Variants in TRPM3 observed in about 807,000 individuals in gnomAD.
TRPM3 encodes the protein transient receptor potential cation channel subfamily M member 3, also known as long transient receptor potential channel 3.
In TRPM3, 77 loss-of-function variants were observed where a neutral mutation model predicts 181.2. The ratio of observed to expected loss-of-function variants is 0.42; its 90% CI spans 0.35 to 0.51. The LOEUF (loss-of-function observed/expected upper bound fraction) is 0.51. Among genes scored for constraint, TRPM3 ranks in the 20% least tolerant of loss-of-function variants. The pLI is 0.01. For missense variants in TRPM3, 1,759 were observed against 2,196.7 expected, an observed-to-expected ratio of 0.80 and a Z score of 3.98; for synonymous variants, 745 against 796.4, an observed-to-expected ratio of 0.94 and a Z score of 1.09.
intron 1 of TRPM3, among the ~76,000 whole-genome samples, chr9:71,144,544 TTTTCCCTCATATGGGTCAATTACA>T (rs1346816536): frequency 6.6e-6 from 1 of 152,190 alleles, no homozygotes; most frequent in Admixed American, 6.5e-5. Context: ...AGGTTTTATT[TTTTCCCTCATATGGGTCAATTACA>T]TTTCCCTCAT....
chr9:71,152,105 T>C (rs180756756), intron 1 of TRPM3, among the ~76,000 whole-genome samples: 2 of 152,234 alleles, frequency 1.3e-5, no homozygotes, highest in Admixed American at 1.3e-4. Flanking sequence ...TAACCAGAAG[T>C]GCACGTCCTT....
At chr9:71,005,311 A>T (rs965740726) in intron 1 of TRPM3, among the ~76,000 whole-genome samples, 6 of 151,968 alleles carry the variant, frequency 3.9e-5, no homozygotes, top group African/African-American at 1.4e-4. Flanking sequence ...GAGGCTGAGG[A>T]AGGAGAATCA....
At chr9:71,008,824 G>A (rs1272911220) in intron 1 of TRPM3, among the ~76,000 whole-genome samples, 7 of 152,202 alleles carry the variant, frequency 4.6e-5, no homozygotes, top group Non-Finnish European at 7.3e-5. Context: ...CCGCCTAGGC[G>A]ACAGAGTGAG....
At chr9:71,007,610 C>G (rs1192670806) in intron 1 of TRPM3, among the ~76,000 whole-genome samples, 1 of 152,014 alleles carries the variant, frequency 6.6e-6, no homozygotes, top group Non-Finnish European at 1.5e-5. Context: ...ACAACATGCT[C>G]TTGAACAATG....
chr9:71,361,483 T>C (rs142259351), intron 1 of TRPM3, among the ~76,000 whole-genome samples: 27 of 152,324 alleles, frequency 1.8e-4, no homozygotes, highest in South Asian at 2.1e-4. Flanking sequence ...GTTCATGCTT[T>C]GTCCCTGTGC....
intron 1 of TRPM3, among the ~76,000 whole-genome samples, chr9:71,194,136 C>G: frequency 6.6e-6 from 1 of 151,860 alleles, no homozygotes; most frequent in East Asian, 1.9e-4. Flanking sequence ...CCATTCCCAC[C>G]CTTTTCTACT....
At chr9:71,214,862 G>T (rs1353222797) in intron 1 of TRPM3, among the ~76,000 whole-genome samples, 1 of 151,884 alleles carries the variant, frequency 6.6e-6, no homozygotes, top group African/African-American at 2.4e-5. Context: ...ATCTTTCAAG[G>T]TCAAATGAAA....
intron 1 of TRPM3, among the ~76,000 whole-genome samples, chr9:71,134,367 C>A (rs2074622103): frequency 6.6e-6 from 1 of 152,002 alleles, no homozygotes; most frequent in South Asian, 2.1e-4. Context: ...TCCTGGCCAA[C>A]ATGGTGAAAC....
chr9:70,888,080 T>C (rs1436793106), intron 1 of TRPM3, among the ~76,000 whole-genome samples: 2 of 152,158 alleles, frequency 1.3e-5, no homozygotes, highest in African/African-American at 2.4e-5. Context: ...CAGATTGCCA[T>C]TTGAACCATT....
chr9:70,793,803 C>A, intron 6 of TRPM3: 5 of 352,432 alleles, frequency 1.4e-5, no homozygotes, highest in South Asian at 1.1e-4. Flanking sequence ...AGAAATCATA[C>A]TTCTAGTACT....
intron 1 of TRPM3, among the ~76,000 whole-genome samples, chr9:71,302,837 T>C (rs1212271107): frequency 6.6e-6 from 1 of 150,554 alleles, no homozygotes; most frequent in Non-Finnish European, 1.5e-5. Flanking sequence ...AGGGAGGCTT[T>C]GTAAGTTATA....
At chr9:71,426,285 C>G (rs1217783667) in intron 1 of TRPM3, among the ~76,000 whole-genome samples, 1 of 39,806 alleles carries the variant, frequency 2.5e-5, no homozygotes, top group South Asian at 7.4e-4. Context: ...GCCCCAGCAA[C>G]TCTTTTTTTT....
chr9:71,207,002 T>G (rs2079165043), intron 1 of TRPM3, among the ~76,000 whole-genome samples: 1 of 152,034 alleles, frequency 6.6e-6, no homozygotes, highest in Admixed American at 6.6e-5. Context: ...AGTAGTTGAG[T>G]TGGGTACAGA....
intron 1 of TRPM3, among the ~76,000 whole-genome samples, chr9:71,292,205 G>A (rs1367454467): frequency 6.6e-6 from 1 of 152,066 alleles, no homozygotes; most frequent in East Asian, 1.9e-4. Context: ...ACCGCACTTA[G>A]AAGAAAGGTA....
chr9:70,578,892 ATTCCT>A, intron 22 of TRPM3, among the ~76,000 whole-genome samples: 1 of 152,216 alleles, frequency 6.6e-6, no homozygotes, highest in Non-Finnish European at 1.5e-5. Context: ...GTTAGGCAGC[ATTCCT>A]GGCCTCTACT....
chr9:70,592,689 G>T lies in TRPM3; in HGVS notation c.3049-1484C>A, dbSNP rs147048033. The stretch of plus-strand genomic sequence containing the variant: ...AAAGCCTAATGCTAATTTTATCAAT[G>T]ATAATGGAGGCTTCAAATTAGTTTT... On this transcript the variant is annotated intron_variant, in intron 21 of 25. Coordinates refer to ENST00000677713, the MANE Select transcript of TRPM3 (RefSeq NM_001366145.2). 1.4e-3 allele frequency among the ~76,000 whole-genome samples: 218 copies of T among 152,238 alleles called. 1 individual carries two copies. The highest frequency in any genetic ancestry group is 6.2e-3 in the Admixed American group (95 of 15,294).
At chr9:71,148,237 A>G (rs1587651428) in intron 1 of TRPM3, among the ~76,000 whole-genome samples, 1 of 152,236 alleles carries the variant, frequency 6.6e-6, no homozygotes, top group East Asian at 1.9e-4. Context: ...AATCAGCTAA[A>G]GTTATCAAAT....
chr9:70,887,525 C>T (rs946180495), intron 1 of TRPM3, among the ~76,000 whole-genome samples: 4 of 152,034 alleles, frequency 2.6e-5, no homozygotes, highest in African/African-American at 9.7e-5. Context: ...ATATTTATGC[C>T]AGCATGATGC....
At position 71,166,740 on chromosome 9, in the gene TRPM3, T is replaced by C. The variant is rs182766838; in HGVS notation, c.183+279913A>G. Among the ~76,000 whole-genome samples the C allele has an allele frequency of 1.8e-3, 279 of 152,366 alleles. 3 individuals carry two copies. Among genetic ancestry groups the C allele is most frequent in the Middle Eastern group, 3.4e-3 (1 of 294 alleles). On this transcript the variant is annotated intron_variant, in intron 1 of 24. Transcript: ENST00000357533. ...AAGAATAAAAGGACTAATGGACTGTTAATGTAGAAGCTCAAATGTGAAACT... is the reference window on the plus strand; with the variant it reads ...AAGAATAAAAGGACTAATGGACTGTCAATGTAGAAGCTCAAATGTGAAACT...
Sources: allele counts gnomAD v4.1 joint callset (sites outside exome capture counted in the v4.1 genomes callset), GRCh38; gene constraint gnomAD v4.1.1; transcripts MANE v1.5; gene names NCBI Gene and HGNC (gene_info 2026-07-23, HGNC 2026-07-21).